The following DHX35 variants were observed in gnomAD, a reference collection of about 807,000 sequenced individuals.
DHX35 encodes the protein probable ATP-dependent RNA helicase DHX35.
Under a neutral mutation model 99.6 loss-of-function variants are expected in DHX35, and 84 were observed. The observed-to-expected ratio is 0.84, with a 90% CI of 0.71 to 1.01. The LOEUF is 1.01. DHX35 is among the 50% of genes least tolerant of loss of function. DHX35 has a pLI of 0.00. For missense variants in DHX35, 852 were observed against 888.5 expected (o/e 0.96, Z 0.52); for synonymous variants, 331 against 316.2 (o/e 1.05, Z -0.50).
chr20:38,963,153 C>T (rs940355272), intron 1 of DHX35, among the ~76,000 whole-genome samples: 6 of 152,166 alleles, frequency 3.9e-5, no homozygotes, highest in African/African-American at 1.4e-4. Context: ...GATATTTACT[C>T]ATTAATCAGG....
Position 39,021,778 on chromosome 20 carries a change from A to G in DHX35, c.1499-63A>G. 3 of 1,497,758 alleles carry G rather than the reference A, an allele frequency of 2.0e-6. No individual in the cohort carries two copies. The South Asian group carries it at 3.4e-5, about 17-fold the overall frequency. The allele number at this position is 1,497,758 out of a possible 1,614,324, so 92.8% of individuals were successfully genotyped here. On this transcript the variant is annotated intron_variant, in intron 15 of 21. Transcript: ENST00000252011. ...TGTGGTGCAAGGAAAGTATCAGAAA[A>G]TGTCTTTCACTTCTTGTTGGCACAT...
chr20:38,970,704 T>C (rs2145834905), intron 2 of DHX35, among the ~76,000 whole-genome samples: 1 of 152,324 alleles, frequency 6.6e-6, no homozygotes, highest in East Asian at 1.9e-4. Flanking sequence ...ATGCAGAGCA[T>C]TTAGCAAGAT....
chr20:38,988,987 G>C, intron 5 of DHX35, 70 bp downstream of exon 5: 1 of 1,560,770 alleles, frequency 6.4e-7, no homozygotes, highest in Non-Finnish European at 8.7e-7. Flanking sequence ...TTAAAAACAT[G>C]TAGTCCTTGC....
Position 38,976,460 on chromosome 20 carries a change from A to G in DHX35, c.267+3809A>G, listed in dbSNP as rs1003983576. Among the ~76,000 whole-genome samples the G allele has an allele frequency of 1.8e-3, 270 of 150,840 alleles. 1 individual carries two copies. The highest frequency in any genetic ancestry group is 3.3e-3 in the Non-Finnish European group (222 of 67,808). On this transcript the variant is annotated intron_variant, in intron 3 of 21. Coordinates refer to ENST00000252011, the MANE Select transcript of DHX35 (RefSeq NM_021931.4). ...ACTTATTCTTTCATTTTAAAAAAAA[A>G]CTGTTTTGAATTGACACATAACTGT... is the stretch of plus-strand genomic sequence containing the variant.
At chr20:38,990,235 C>T (rs1372189969) in intron 5 of DHX35, among the ~76,000 whole-genome samples, 1 of 152,156 alleles carries the variant, frequency 6.6e-6, no homozygotes, top group Admixed American at 6.5e-5. Flanking sequence ...TGGAAGTTCT[C>T]ACTACGTATG....
At chr20:39,032,387 G>T (rs2087070499) in intron 20 of DHX35, among the ~76,000 whole-genome samples, 1 of 152,178 alleles carries the variant, frequency 6.6e-6, no homozygotes, top group Admixed American at 6.5e-5. Flanking sequence ...GGCCAGGCTG[G>T]TCTCAAACTC....
At chr20:38,982,019 C>T (rs1192619762) in intron 3 of DHX35, among the ~76,000 whole-genome samples, 2 of 150,976 alleles carry the variant, frequency 1.3e-5, no homozygotes, top group African/African-American at 4.9e-5. Context: ...ATTGCTGAGT[C>T]TCAGTGAGCA....
At position 39,034,485 on chromosome 20, in the gene DHX35, C is replaced by T. The variant is rs188445079; in HGVS notation, c.2067+168C>T. On this transcript the variant is annotated intron_variant, in intron 21 of 21. Coordinates refer to ENST00000252011, the MANE Select transcript of DHX35 (RefSeq NM_021931.4). ...AAAACATTCTGGGAAAGCACTCTAG[C>T]GTTTAATTCATAGTGAAGTGCAATT... Among the ~76,000 whole-genome samples, 16 of 152,238 alleles carry T rather than the reference C, an allele frequency of 1.1e-4. No homozygotes were observed. The East Asian group carries it at 2.3e-3, about 22-fold the overall frequency.
chr20:39,028,931 C>G (rs1427418966), intron 19 of DHX35, among the ~76,000 whole-genome samples: 1 of 152,190 alleles, frequency 6.6e-6, no homozygotes, highest in Non-Finnish European at 1.5e-5. Context: ...TTGGAGGTAG[C>G]CAGGTGTTTC....
At chr20:38,978,308 C>T in intron 3 of DHX35, 1 of 760,864 alleles carries the variant, frequency 1.3e-6, no homozygotes, top group Non-Finnish European at 2.4e-6. Flanking sequence ...AACTGGTGCT[C>T]ATCTTCATCA....
chr20:38,978,001 C>T, intron 3 of DHX35: 1 of 703,448 alleles, frequency 1.4e-6, no homozygotes, highest in Non-Finnish European at 2.6e-6. Context: ...GGCAGATCAC[C>T]TTCCAGATAT....
chr20:39,030,915 C>T (rs1273805399), intron 20 of DHX35, 140 bp downstream of exon 20: 6 of 894,328 alleles, frequency 6.7e-6, no homozygotes, highest in African/African-American at 3.4e-5. Context: ...GTAATCCCAG[C>T]ACTTTGGGAG....
At chr20:38,967,593 T>C (rs1377335611) in intron 1 of DHX35, among the ~76,000 whole-genome samples, 1 of 152,230 alleles carries the variant, frequency 6.6e-6, no homozygotes, top group Non-Finnish European at 1.5e-5. Flanking sequence ...TTTAAAGTTA[T>C]GTTTCTCCTG....
chr20:38,994,922 C>G (rs1568732242), intron 8 of DHX35, 42 bp downstream of exon 8: 3 of 1,580,796 alleles, frequency 1.9e-6, no homozygotes. Context: ...CTCACAAACA[C>G]TTTTGTCCTA....
chr20:38,988,724 A>G, intron 4 of DHX35, 89 bp from the exon 5 acceptor site: 1 of 1,558,104 alleles, frequency 6.4e-7, no homozygotes, highest in East Asian at 2.3e-5. Flanking sequence ...TACTATTTAA[A>G]ATATAAATGA....
chr20:39,026,270 A>G (rs987919971), intron 18 of DHX35, among the ~76,000 whole-genome samples: 3 of 152,232 alleles, frequency 2.0e-5, no homozygotes, highest in African/African-American at 7.2e-5. Flanking sequence ...ATAGGTGAGA[A>G]AAGCGTGGCT....
In DHX35 at chr20:39,023,773, C is replaced by T. The variant is rs754444510; in HGVS notation, c.1671+6C>T. 6.2e-7 allele frequency: 1 copy of T among 1,612,780 alleles called. No homozygotes were observed. Among genetic ancestry groups the T allele is most frequent in the Non-Finnish European group, 8.5e-7 (1 of 1,178,940 alleles). The stretch of plus-strand genomic sequence containing the variant: ...TATATGAAGCATTTATCAAAGTAAG[C>T]ACAACTACTGCTCGAAGTGCCGCCT... On this transcript the variant is annotated splice_donor_region_variant and intron_variant, in intron 17 of 21. Transcript: ENST00000252011.
At position 39,019,005 on chromosome 20, in the gene DHX35, G is replaced by GTA. The variant is rs1568753500; in HGVS notation, c.1498+116_1498+117dup. 18 of 940,960 alleles carry GTA rather than the reference G, an allele frequency of 1.9e-5. No homozygotes were observed. In the East Asian group the frequency reaches 2.2e-4, roughly 12 times the overall value. 58.3% of individuals were successfully genotyped at this position (940,960 alleles called of 1,614,324 possible). On this transcript the variant is annotated intron_variant, in intron 15 of 21. Coordinates refer to ENST00000252011, the MANE Select transcript of DHX35 (RefSeq NM_021931.4). The stretch of plus-strand genomic sequence containing the variant: ...GAAGAGGGTACAATATGGTAAAGAA[G>GTA]TATATATATATCTGTAACATAACAT...
At chr20:38,998,131 C>T (rs541263487) in intron 8 of DHX35, among the ~76,000 whole-genome samples, 76 of 152,292 alleles carry the variant, frequency 5.0e-4, no homozygotes, top group African/African-American at 1.5e-3. Flanking sequence ...CCCAATTAAA[C>T]GAACAATTAT....
Sources: allele counts gnomAD v4.1 joint callset (sites outside exome capture counted in the v4.1 genomes callset), GRCh38; gene constraint gnomAD v4.1.1; transcripts MANE v1.5; gene names NCBI Gene and HGNC (gene_info 2026-07-23, HGNC 2026-07-21).